Variants in RBM47 observed in about 807,000 individuals in gnomAD.
The protein encoded by RBM47 is RNA-binding protein 47.
A neutral mutation model predicts 47.1 loss-of-function variants in RBM47; 21 were observed. The ratio of observed to expected loss-of-function variants is 0.45; its 90% confidence interval spans 0.32 to 0.64. RBM47 has a LOEUF of 0.64. Ranked by LOEUF, RBM47 falls within the 30% of genes least tolerant of loss-of-function variation. The pLI is 0.05. For missense variants in RBM47, 708 were observed against 870.9 expected, an observed-to-expected ratio of 0.81 and a Z score of 2.35; for synonymous variants, 375 against 361.7, an observed-to-expected ratio of 1.04 and a Z score of -0.42.
chr4:40,553,539 T>C (rs534719395), intron 1 of RBM47, among the ~76,000 whole-genome samples: 4 of 152,290 alleles, frequency 2.6e-5, no homozygotes, highest in Admixed American at 6.5e-5. Context: ...TCAGGTGATC[T>C]GCCCACCTTG....
At chr4:40,593,280 G>A (rs1235541056) in intron 1 of RBM47, among the ~76,000 whole-genome samples, 1 of 151,342 alleles carries the variant, frequency 6.6e-6, no homozygotes, top group Non-Finnish European at 1.5e-5. Flanking sequence ...TTACAGGCGT[G>A]AGCCGGGACA....
intron 2 of RBM47, among the ~76,000 whole-genome samples, chr4:40,516,761 G>A (rs1725626046): frequency 6.6e-6 from 1 of 152,162 alleles, no homozygotes; most frequent in South Asian, 2.1e-4. Flanking sequence ...TTAAGCCACT[G>A]ACCTCCAAAA....
chr4:40,501,246 T>G (rs1337422215), intron 2 of RBM47, among the ~76,000 whole-genome samples: 2 of 152,184 alleles, frequency 1.3e-5, no homozygotes, highest in Admixed American at 6.5e-5. Context: ...GCATCATACC[T>G]TATGGAGAAA....
At chr4:40,445,339 G>A (rs10018317) in intron 3 of RBM47, among the ~76,000 whole-genome samples, 106,399 of 151,412 alleles carry the variant, frequency 0.7, 37,595 homozygotes, top group South Asian at 0.82. Flanking sequence ...GCTGTTTTCC[G>A]TTTAACTCCA....
intron 1 of RBM47, among the ~76,000 whole-genome samples, chr4:40,604,078 A>G (rs1420242366): frequency 6.6e-6 from 1 of 152,220 alleles, no homozygotes; most frequent in Non-Finnish European, 1.5e-5. Flanking sequence ...CTACCATCAC[A>G]TTCAAGGTCT....
intron 6 of RBM47, among the ~76,000 whole-genome samples, chr4:40,430,984 T>G (rs889318950): frequency 2.6e-5 from 4 of 151,982 alleles, no homozygotes; most frequent in Non-Finnish European, 4.4e-5. Flanking sequence ...CTTGGGAGGC[T>G]GAGGTGGGAG....
chr4:40,467,820 T>G (rs1386787245), intron 2 of RBM47, among the ~76,000 whole-genome samples: 1 of 152,194 alleles, frequency 6.6e-6, no homozygotes, highest in African/African-American at 2.4e-5. Context: ...TTTTCCAAAC[T>G]ACAGAGAGCC....
Position 40,566,278 on chromosome 4 carries a change from A to G in RBM47, c.-239-21772T>C, listed in dbSNP as rs574100178. 4.7e-4 allele frequency among the ~76,000 whole-genome samples: 72 copies of G among 152,252 alleles called. No individual in the cohort carries two copies. The South Asian group carries it at 0.015, about 31-fold the overall frequency. On this transcript the variant is annotated intron_variant, in intron 1 of 6. Transcript: ENST00000295971. Reference sequence around the variant, plus strand: ...GGTTAGCTGGGTGCTCATTCTCACAATAAGTCACTGACCAAAAGCCCTGTA... The same window carrying G: ...GGTTAGCTGGGTGCTCATTCTCACAGTAAGTCACTGACCAAAAGCCCTGTA...
intron 2 of RBM47, among the ~76,000 whole-genome samples, chr4:40,534,843 G>A (rs545940560): frequency 1.3e-5 from 2 of 151,946 alleles, no homozygotes; most frequent in East Asian, 3.9e-4. Context: ...GCTGAGGCAG[G>A]AGAATGGCGT....
intron 1 of RBM47, among the ~76,000 whole-genome samples, chr4:40,620,861 A>G (rs1737205048): frequency 6.6e-6 from 1 of 152,158 alleles, no homozygotes; most frequent in Non-Finnish European, 1.5e-5. Flanking sequence ...TGTCCCATTC[A>G]GTGCATATGA....
At chr4:40,536,715 GTGTT>G (rs1039854637) in intron 2 of RBM47, among the ~76,000 whole-genome samples, 5 of 140,500 alleles carry the variant, frequency 3.6e-5, no homozygotes, top group African/African-American at 1.2e-4. Context: ...GTGTGTGTGT[GTGTT>G]TTTGTTTTTT....
At position 40,509,604 on chromosome 4, in the gene RBM47, G is replaced by A. The variant is rs758632918; in HGVS notation, c.-155+34818C>T. Among the ~76,000 whole-genome samples the A allele has an allele frequency of 1.1e-4, 17 of 152,086 alleles. 1 individual carries two copies. The highest frequency in any genetic ancestry group is 3.9e-4 in the African/African-American group (16 of 41,416). Reference sequence around the variant, plus strand: ...TTTTAAAAAGTAAAGAAACTGGGCCGGGCGCGGTGGCTTACGCCTGTAATC... The same window carrying A: ...TTTTAAAAAGTAAAGAAACTGGGCCAGGCGCGGTGGCTTACGCCTGTAATC... On this transcript the variant is annotated intron_variant, in intron 2 of 6. Transcript: ENST00000295971.
intron 3 of RBM47, among the ~76,000 whole-genome samples, chr4:40,444,827 G>C (rs1453034991): frequency 2.0e-5 from 3 of 151,722 alleles, no homozygotes; most frequent in African/African-American, 7.3e-5. Context: ...ATCATGTCCG[G>C]TTAATTTTTG....
intron 2 of RBM47, among the ~76,000 whole-genome samples, chr4:40,541,249 G>A (rs1316275482): frequency 1.4e-5 from 2 of 139,908 alleles, no homozygotes; most frequent in African/African-American, 2.8e-5. Context: ...CTAGGTGACC[G>A]AGCAAGATTC....
At chr4:40,592,967 ATATATATATATATTTTTTTTTTTTTT>A (rs1734351401) in intron 1 of RBM47, among the ~76,000 whole-genome samples, 1 of 16,830 alleles carries the variant, frequency 5.9e-5, no homozygotes, top group African/African-American at 2.6e-4. Flanking sequence ...ATATATATAT[ATATATATATATATTTTTTTTTTTTTT>A]TTTTTTTTTT....
chr4:40,624,970 C>T (rs1737606944), intron 1 of RBM47, among the ~76,000 whole-genome samples: 1 of 149,520 alleles, frequency 6.7e-6, no homozygotes, highest in Non-Finnish European at 1.5e-5. Context: ...CTGCCTCAGC[C>T]TCCCGAGTAG....
At chr4:40,488,655 G>A (rs1039508220) in intron 2 of RBM47, among the ~76,000 whole-genome samples, 1 of 152,122 alleles carries the variant, frequency 6.6e-6, no homozygotes, top group Non-Finnish European at 1.5e-5. Flanking sequence ...GTCCACCCTG[G>A]TAGTACATAC....
intron 1 of RBM47, among the ~76,000 whole-genome samples, chr4:40,549,783 C>G (rs1729384004): frequency 6.6e-6 from 1 of 151,802 alleles, no homozygotes; most frequent in Non-Finnish European, 1.5e-5. Context: ...CGGGTTCAAG[C>G]AATTCTCCTG....
Position 40,438,440 on chromosome 4 carries a change from G to A in RBM47, c.454C>T (p.Arg152Cys). The A allele has an allele frequency of 8.7e-6, 14 of 1,613,654 alleles. No homozygotes were observed. The highest frequency in any genetic ancestry group is 1.2e-5 in the Non-Finnish European group (14 of 1,179,982). The change falls in exon 4 of 7, where the codon CGC (arginine) becomes TGC (cysteine). Residue 152 changes from arginine (R) to cysteine (C), a missense_variant. Arg to Cys is a radical substitution (Grantham distance 180). Coordinates refer to ENST00000295971, the MANE Select transcript of RBM47 (RefSeq NM_001098634.2). ...TTGGGGATCCCGCCGATGAAGAGGC[G>A]GCAGTTGTCCACGCTGCAGCACACG... ...LGVCCSVDNC[R>C]LFIGGIPKMK... is the part of the protein sequence containing the mutation.
Sources: gnomAD v4.1 joint callset for allele counts (sites outside exome capture counted in the v4.1 genomes callset) on GRCh38, gnomAD v4.1.1 for gene constraint, MANE v1.5 for transcripts, NCBI Gene and HGNC (gene_info 2026-07-23, HGNC 2026-07-21) for gene names.